The following PROM1 variants were observed in gnomAD, a reference collection of about 807,000 sequenced individuals.
The protein encoded by PROM1 is prominin 1.
PROM1 carries 105 observed loss-of-function variants against 116.9 expected under a neutral mutation model. The ratio of observed to expected loss-of-function variants is 0.90; its 90% confidence interval spans 0.77 to 1.06. PROM1 has a LOEUF of 1.06. Among genes scored for constraint, PROM1 ranks in the 50% least tolerant of loss-of-function variants. The pLI is 0.00. For missense variants in PROM1, 1,122 were observed against 1,045.2 expected, an observed-to-expected ratio of 1.07 and a Z score of -1.01; for synonymous variants, 393 against 387.0, an observed-to-expected ratio of 1.02 and a Z score of -0.18.
At chr4:16,056,944 G>A (rs1417549392) in intron 2 of PROM1, among the ~76,000 whole-genome samples, 2 of 152,220 alleles carry the variant, frequency 1.3e-5, no homozygotes, top group Admixed American at 6.5e-5. Context: ...ACTCTCACAC[G>A]AGAGCATGCG....
chr4:16,055,237 C>A (rs539517344), intron 2 of PROM1: 12 of 349,592 alleles, frequency 3.4e-5, no homozygotes, highest in Admixed American at 2.2e-4. Flanking sequence ...ATCACAGTAC[C>A]ATTCTTGATA....
chr4:16,038,601 C>G (rs933933117), intron 3 of PROM1, among the ~76,000 whole-genome samples: 1 of 151,744 alleles, frequency 6.6e-6, no homozygotes, highest in Non-Finnish European at 1.5e-5. Context: ...TGGAGTTTCA[C>G]CATATTGGCC....
intron 18 of PROM1, among the ~76,000 whole-genome samples, chr4:15,990,984 C>T (rs907719566): frequency 3.9e-5 from 6 of 152,228 alleles, no homozygotes; most frequent in Admixed American, 1.3e-4. Flanking sequence ...CTCAATAAAG[C>T]AGGTTTCACC....
intron 24 of PROM1, chr4:15,980,152 C>T: frequency 1.7e-6 from 1 of 580,100 alleles, no homozygotes; most frequent in South Asian, 2.1e-5. Context: ...TGCCAGGTCC[C>T]CGAGAGAGAG....
At chr4:16,004,447 C>T (rs1198419807) in intron 13 of PROM1, among the ~76,000 whole-genome samples, 1 of 151,886 alleles carries the variant, frequency 6.6e-6, no homozygotes, top group African/African-American at 2.4e-5. Context: ...TGTTGTATCC[C>T]TTTAAAAAGT....
intron 26 of PROM1, among the ~76,000 whole-genome samples, chr4:15,978,389 T>C (rs1716784779): frequency 1.3e-5 from 2 of 152,220 alleles, no homozygotes; most frequent in South Asian, 4.1e-4. Flanking sequence ...GTTCTGTTCA[T>C]CTTGAAATCT....
intron 24 of PROM1, 41 bp downstream of exon 24, chr4:15,980,381 T>C: frequency 7.6e-7 from 1 of 1,323,278 alleles, no homozygotes; most frequent in Non-Finnish European, 1.1e-6. Flanking sequence ...CAGCACCACC[T>C]AGAAAATGAC....
chr4:15,986,750 G>A (rs1466011969), intron 20 of PROM1, among the ~76,000 whole-genome samples: 9 of 152,224 alleles, frequency 5.9e-5, no homozygotes, highest in South Asian at 2.1e-4. Context: ...GAGGCATAGC[G>A]AGGGTCCTGG....
chr4:16,070,385 GA>G (rs745822795), intron 2 of PROM1, among the ~76,000 whole-genome samples: 2 of 152,190 alleles, frequency 1.3e-5, no homozygotes, highest in Non-Finnish European at 2.9e-5. Flanking sequence ...GTTTAGAGCA[GA>G]GGGGACTTTG....
intron 26 of PROM1, among the ~76,000 whole-genome samples, chr4:15,973,107 A>G (rs2148985308): frequency 6.6e-6 from 1 of 152,314 alleles, no homozygotes; most frequent in African/African-American, 2.4e-5. Flanking sequence ...ATTCCCCGGG[A>G]TCCACCTGCT....
At chr4:16,057,170 AGTCAGTCAT>A (rs1739247638) in intron 2 of PROM1, among the ~76,000 whole-genome samples, 2 of 152,232 alleles carry the variant, frequency 1.3e-5, no homozygotes, top group Non-Finnish European at 2.9e-5. Flanking sequence ...GCATCCGGGT[AGTCAGTCAT>A]TTGTACACAG....
At chr4:15,991,961 A>G (rs1302085473) in intron 17 of PROM1, among the ~76,000 whole-genome samples, 1 of 135,128 alleles carries the variant, frequency 7.4e-6, no homozygotes, top group African/African-American at 2.7e-5. Flanking sequence ...AAAAAAAAAA[A>G]GACCACAGAT....
rs1460860311 is a variant in PROM1 at position 15,985,990 on chromosome 4, G to T, written c.2178C>A (p.Phe726Leu). Reference sequence around the variant, plus strand: ...TAACAGAGGAAGTATTGTTTGTGATGAAGTTCTGAGCAAAATCCAGAGAAG... The same window carrying T: ...TAACAGAGGAAGTATTGTTTGTGATTAAGTTCTGAGCAAAATCCAGAGAAG... The part of the protein sequence containing the change: ...ILASLDFAQN[F>L]ITNNTSSVII... The change falls in exon 21 of 28, where the codon TTC becomes TTA. Residue 726 changes from phenylalanine (F) to leucine (L), a missense_variant. Phe to Leu is a conservative substitution (Grantham distance 22). Coordinates refer to ENST00000447510, the MANE Select transcript of PROM1 (RefSeq NM_006017.3). The T allele has an allele frequency of 7.2e-7, 1 of 1,385,952 alleles. No homozygotes were observed. The highest frequency in any genetic ancestry group is 2.2e-5 in the Admixed American group (1 of 44,914). 85.9% of individuals were successfully genotyped at this position (1,385,952 alleles called of 1,614,324 possible). A position where few individuals can be genotyped will look rare whatever the true frequency, so the allele number is the denominator to read the frequency against.
At chr4:16,060,823 C>T (rs1420647488) in intron 2 of PROM1, among the ~76,000 whole-genome samples, 2 of 152,102 alleles carry the variant, frequency 1.3e-5, no homozygotes, top group Admixed American at 6.5e-5. Context: ...TTAGAATAAA[C>T]TTAGTTTGAA....
intron 26 of PROM1, among the ~76,000 whole-genome samples, chr4:15,973,767 C>T (rs1406049891): frequency 6.6e-6 from 1 of 152,126 alleles, no homozygotes; most frequent in Admixed American, 6.5e-5. Flanking sequence ...TCTTTGCCCA[C>T]CTGCCTTTGG....
At chr4:15,989,892 A>C in intron 18 of PROM1, 68 bp from the exon 19 acceptor site, 2 of 1,296,920 alleles carry the variant, frequency 1.5e-6, no homozygotes, top group Non-Finnish European at 2.2e-6. Flanking sequence ...CGCTATCCTC[A>C]GGGGCCCTGT....
At chr4:16,019,384 G>A (rs746494036) in intron 8 of PROM1, among the ~76,000 whole-genome samples, 4 of 152,208 alleles carry the variant, frequency 2.6e-5, no homozygotes, top group Non-Finnish European at 5.9e-5. Flanking sequence ...CAGTGGCAGC[G>A]AGCCACAGCT....
At chr4:15,976,495 G>C (rs1014107755) in intron 26 of PROM1, among the ~76,000 whole-genome samples, 1 of 152,216 alleles carries the variant, frequency 6.6e-6, no homozygotes, top group Non-Finnish European at 1.5e-5. Context: ...GCTAGAACTG[G>C]AAGTCTACCC....
At chr4:15,976,957 G>A (rs987455397) in intron 26 of PROM1, among the ~76,000 whole-genome samples, 2 of 152,180 alleles carry the variant, frequency 1.3e-5, no homozygotes, top group Non-Finnish European at 2.9e-5. Context: ...GTGACTGGGG[G>A]AGGAGGGGGT....
Sources: gnomAD v4.1 joint callset for allele counts (sites outside exome capture counted in the v4.1 genomes callset) on GRCh38, gnomAD v4.1.1 for gene constraint, MANE v1.5 for transcripts, NCBI Gene and HGNC (gene_info 2026-07-23, HGNC 2026-07-21) for gene names.